The following MAP3K20 variants were observed in gnomAD, a reference collection of about 807,000 sequenced individuals.
MAP3K20 encodes HCCS-4.
Under a neutral mutation model 85.7 loss-of-function variants are expected in MAP3K20, and 40 were observed. The observed-to-expected ratio is 0.47, with a 90% confidence interval of 0.36 to 0.61. MAP3K20 has a LOEUF of 0.61. MAP3K20 is among the 20% of genes least tolerant of loss of function. MAP3K20 has a pLI of 0.00. For synonymous variants in MAP3K20, 325 were observed against 327.7 expected, an observed-to-expected ratio of 0.99 and a Z score of 0.09; for missense variants, 817 against 961.7, an observed-to-expected ratio of 0.85 and a Z score of 1.99.
At chr2:173,229,824 GA>G (rs1684480912) in intron 12 of MAP3K20, 91 bp downstream of exon 12, 1 of 1,431,694 alleles carries the variant, frequency 7.0e-7, no homozygotes, top group African/African-American at 1.4e-5. Context: ...TGGGCCTTAG[GA>G]AAGTCTAACT....
At chr2:173,128,480 G>T (rs182965867) in intron 2 of MAP3K20, among the ~76,000 whole-genome samples, 3 of 151,634 alleles carry the variant, frequency 2.0e-5, no homozygotes, top group African/African-American at 4.8e-5. Context: ...CTACAGGCGC[G>T]CACCACCAGC....
intron 2 of MAP3K20, among the ~76,000 whole-genome samples, chr2:173,142,674 A>G (rs907707622): frequency 5.3e-5 from 8 of 152,162 alleles, no homozygotes; most frequent in African/African-American, 1.2e-4. Context: ...CCAATGAATG[A>G]ATGAAAATGA....
intron 1 of MAP3K20, among the ~76,000 whole-genome samples, chr2:173,089,769 TG>T (rs1687241384): frequency 1.3e-5 from 2 of 152,092 alleles, no homozygotes; most frequent in South Asian, 4.2e-4. Context: ...CTTAGGGTTT[TG>T]TCATGTTGGC....
intron 2 of MAP3K20, 88 bp from the exon 3 acceptor site, chr2:173,169,717 C>T: frequency 7.4e-7 from 1 of 1,356,094 alleles, no homozygotes; most frequent in Non-Finnish European, 1.0e-6. Context: ...AAGACCCTAA[C>T]TCAAAAAAAA....
chr2:173,085,640 C>T (rs1263281812), intron 1 of MAP3K20, among the ~76,000 whole-genome samples: 1 of 152,112 alleles, frequency 6.6e-6, no homozygotes, highest in Non-Finnish European at 1.5e-5. Context: ...GACATTTCTG[C>T]TCTAACTTAC....
intron 18 of MAP3K20, among the ~76,000 whole-genome samples, chr2:173,263,011 T>C (rs372352916): frequency 7.2e-5 from 11 of 152,236 alleles, no homozygotes; most frequent in Middle Eastern, 3.2e-3. Context: ...CATGATGATA[T>C]GCCACTTTTG....
intron 9 of MAP3K20, among the ~76,000 whole-genome samples, chr2:173,204,641 T>C (rs1683607181): frequency 1.3e-5 from 2 of 152,212 alleles, no homozygotes; most frequent in South Asian, 4.1e-4. Context: ...GATGAAATGA[T>C]AGGCTAGTCT....
rs376454953 is a variant in MAP3K20 at position 173,240,482 on chromosome 2, A to G, written c.1359+986A>G. ...GTTGAGTTTTTCCTGGGCCTTCCAA[A>G]GATGCTCTTTCTAATAATCCAGTTA... On this transcript the variant is annotated intron_variant, in intron 16 of 19. Coordinates refer to ENST00000375213, the MANE Select transcript of MAP3K20 (RefSeq NM_016653.3). 2.3e-4 allele frequency among the ~76,000 whole-genome samples: 35 copies of G among 152,318 alleles called. 1 individual carries two copies. In the East Asian group the frequency reaches 5.4e-3, roughly 24 times the overall value.
chr2:173,174,608 G>T (rs1690100853), intron 3 of MAP3K20, among the ~76,000 whole-genome samples: 1 of 152,126 alleles, frequency 6.6e-6, no homozygotes, highest in Non-Finnish European at 1.5e-5. Context: ...GTCTATCATT[G>T]ATGGGCATTT....
intron 19 of MAP3K20, among the ~76,000 whole-genome samples, chr2:173,265,421 C>G (rs1008866825): frequency 6.6e-6 from 1 of 152,232 alleles, no homozygotes; most frequent in African/African-American, 2.4e-5. Context: ...AATGCAGCTT[C>G]ATTTTTTTAT....
Position 173,238,401 on chromosome 2 carries a change from A to T in MAP3K20, c.1232A>T (p.Tyr411Phe). The T allele has an allele frequency of 6.2e-7, 1 of 1,613,090 alleles. No homozygotes were observed. The highest frequency in any genetic ancestry group is 8.5e-7 in the Non-Finnish European group (1 of 1,179,608). Reference sequence around the variant, plus strand: ...GCCATTGAGAAATTAACCCATGATTACATAAATTTGTTTCACTTCCCACCA... The same window carrying T: ...GCCATTGAGAAATTAACCCATGATTTCATAAATTTGTTTCACTTCCCACCA... ...KSAIEKLTHDYINLFHFPPLI... is the reference protein window; with the variant it reads ...KSAIEKLTHDFINLFHFPPLI... Residue 411 changes from tyrosine (Y) to phenylalanine (F), a missense_variant, in exon 15 of 20, where the codon TAC becomes TTC. Coordinates refer to ENST00000375213, the MANE Select transcript of MAP3K20 (RefSeq NM_016653.3).
chr2:173,089,078 A>G (rs1049159021), intron 1 of MAP3K20, among the ~76,000 whole-genome samples: 1 of 152,072 alleles, frequency 6.6e-6, no homozygotes, highest in Non-Finnish European at 1.5e-5. Context: ...GCATGCTAAG[A>G]TCTTTGAGCT....
intron 9 of MAP3K20, among the ~76,000 whole-genome samples, chr2:173,205,459 C>A (rs890230972): frequency 1.3e-5 from 2 of 152,166 alleles, no homozygotes; most frequent in South Asian, 4.1e-4. Context: ...ACACAGAATT[C>A]ATGTTGATGG....
At chr2:173,241,883 C>T (rs1352294139) in intron 16 of MAP3K20, among the ~76,000 whole-genome samples, 1 of 152,192 alleles carries the variant, frequency 6.6e-6, no homozygotes, top group Non-Finnish European at 1.5e-5. Flanking sequence ...ACTGTCTATT[C>T]ATTCCTGTTG....
rs957302222 is a variant in MAP3K20, at chr2:173,226,425, A to C, written c.988-3264A>C. On this transcript the variant is annotated intron_variant, in intron 11 of 19. Transcript: ENST00000375213. Reference sequence around the variant, plus strand: ...ATATAACAGAGCATAAATTTTCTATAATCAGGCACCTTTTGCTGCTTTTGA... The same window carrying C: ...ATATAACAGAGCATAAATTTTCTATCATCAGGCACCTTTTGCTGCTTTTGA... 1.3e-5 allele frequency: 13 copies of C among 985,370 alleles called. No homozygotes were observed. The African/African-American group carries it at 1.9e-4, about 15-fold the overall frequency. The allele number at this position is 985,370 out of a possible 1,614,324, so 61.0% of individuals were successfully genotyped here.
At chr2:173,139,754 C>T (rs927120112) in intron 2 of MAP3K20, among the ~76,000 whole-genome samples, 9 of 151,938 alleles carry the variant, frequency 5.9e-5, no homozygotes, top group Admixed American at 3.3e-4. Context: ...AGTTAGTAAA[C>T]GAAAAGTAGA....
intron 12 of MAP3K20, among the ~76,000 whole-genome samples, chr2:173,231,643 G>A (rs2106330809): frequency 6.6e-6 from 1 of 152,270 alleles, no homozygotes; most frequent in East Asian, 1.9e-4. Flanking sequence ...CCTCACCAAG[G>A]TACTGTGAGA....
chr2:173,221,266 C>T (rs1227989819), intron 11 of MAP3K20: 1 of 1,613,872 alleles, frequency 6.2e-7, no homozygotes, highest in East Asian at 2.2e-5. Flanking sequence ...ACGGGGAGGG[C>T]CATGGCATGA....
At chr2:173,262,610 A>G (rs1201067748) in intron 18 of MAP3K20, among the ~76,000 whole-genome samples, 1 of 151,954 alleles carries the variant, frequency 6.6e-6, no homozygotes, top group African/African-American at 2.4e-5. Context: ...AAAAAGAAAA[A>G]AAAAAAGAAA....
Sources: gnomAD v4.1 joint callset for allele counts (sites outside exome capture counted in the v4.1 genomes callset) on GRCh38, gnomAD v4.1.1 for gene constraint, MANE v1.5 for transcripts, NCBI Gene and HGNC (gene_info 2026-07-23, HGNC 2026-07-21) for gene names.